Variants in DEF6 observed in about 807,000 individuals in gnomAD.
DEF6 encodes the protein differentially expressed in FDCP 6 homolog.
DEF6 carries 32 observed loss-of-function variants against 80.5 expected under a neutral mutation model. The observed-to-expected ratio is 0.40, with a 90% CI of 0.30 to 0.53. The LOEUF is 0.53. Ranked by LOEUF, DEF6 falls within the 20% of genes least tolerant of loss-of-function variation. The pLI, the probability that DEF6 is intolerant of heterozygous loss-of-function variation, is 0.57. For missense variants in DEF6, 575 were observed against 818.7 expected (o/e 0.70, Z 3.63); for synonymous variants, 300 against 337.9 (o/e 0.89, Z 1.23).
chr6:35,318,447 G>A lies in DEF6; in HGVS notation c.1191G>A (p.Glu397=). Residue 397 remains glutamate, a synonymous_variant, in exon 7 of 11, where the codon GAG becomes GAA. Transcript: ENST00000316637. This position sits in a 1 kb window ranked among gnomAD's most constrained non-coding sequence, Gnocchi z 5.1. ...ACCGCGAGCTGCAGCAGGCGCTCGA[G>A]GGCCAACTGCGCGAGGCGGAGCAGG... ...SQHRELQQAL[E]GQLREAEQAR... is the part of the protein sequence containing the mutation. The A allele has an allele frequency of 1.4e-6, 2 of 1,475,996 alleles. No individual in the cohort carries two copies. Among genetic ancestry groups the A allele is most frequent in the East Asian group, 2.6e-5 (1 of 37,844 alleles). 91.4% of individuals were successfully genotyped at this position (1,475,996 alleles called of 1,614,324 possible).
rs531742102 is a variant in DEF6, at chr6:35,307,255, C to T, written c.97-2415C>T. ...CTCTACTAAAAATACAAAAATTAGC[C>T]GAGCATAGTGGCACGCGTCAGCAAT... On this transcript the variant is annotated intron_variant, in intron 1 of 10. Transcript: ENST00000316637. Among the ~76,000 whole-genome samples the T allele has an allele frequency of 2.6e-5, 4 of 152,316 alleles. No individual in the cohort carries two copies. The South Asian group carries it at 6.2e-4, about 24-fold the overall frequency.
intron 1 of DEF6, among the ~76,000 whole-genome samples, chr6:35,306,721 C>T (rs540473758): frequency 1.3e-5 from 2 of 152,324 alleles, no homozygotes; most frequent in Admixed American, 6.5e-5. Context: ...ACATTTCATT[C>T]TGTAGCTTGC....
Position 35,321,613 on chromosome 6 carries a change from T to A in DEF6, c.*203T>A. On this transcript the variant is annotated 3_prime_UTR_variant, in exon 11 of 11. Transcript: ENST00000316637. ...CAAGCCCCAGACCATGGGAGCTGTC[T>A]GGGATGTTGATCCTTGAGAACTTGG... 1 of 488,278 alleles carries A rather than the reference T, an allele frequency of 2.0e-6. No homozygotes were observed. Among genetic ancestry groups the A allele is most frequent in the African/African-American group, 1.9e-5 (1 of 51,794 alleles). 30.2% of individuals were successfully genotyped at this position (488,278 alleles called of 1,614,324 possible).
Position 35,319,765 on chromosome 6 carries a change from C to A in DEF6, c.1383-54C>A. The A allele has an allele frequency of 6.2e-7, 1 of 1,610,668 alleles. No individual in the cohort carries two copies. Among genetic ancestry groups the A allele is most frequent in the Non-Finnish European group, 8.5e-7 (1 of 1,177,746 alleles). ...CACCCCAGTTTTCCTGCTTGCTGTG[C>A]ACCTGCAAGGTGCCTTGGCACTAGA... is the stretch of plus-strand genomic sequence containing the variant. On this transcript the variant is annotated intron_variant, in intron 8 of 10. Transcript: ENST00000316637. The surrounding 1 kb of genome is among the most constrained non-coding windows in gnomAD (Gnocchi z 4.5).
intron 5 of DEF6, chr6:35,313,479 C>A (rs904335079): frequency 3.1e-6 from 1 of 319,694 alleles, no homozygotes; most frequent in Non-Finnish European, 6.0e-6. Context: ...TCAAATTATT[C>A]TCTTCTATTT....
intron 5 of DEF6, among the ~76,000 whole-genome samples, chr6:35,313,539 T>C (rs1453762556): frequency 6.6e-6 from 1 of 152,218 alleles, no homozygotes; most frequent in Non-Finnish European, 1.5e-5. Flanking sequence ...ACTGATCTAT[T>C]GAATCCTAGG....
chr6:35,302,139 A>G (rs1791322849), intron 1 of DEF6, among the ~76,000 whole-genome samples: 1 of 152,078 alleles, frequency 6.6e-6, no homozygotes, highest in Non-Finnish European at 1.5e-5. Flanking sequence ...TGGCAAGAGA[A>G]TCACTTGAGT....
At chr6:35,310,741 C>T in intron 3 of DEF6, 97 bp downstream of exon 3, 1 of 1,280,224 alleles carries the variant, frequency 7.8e-7, no homozygotes, top group Non-Finnish European at 1.1e-6. Context: ...CTTCCCATAT[C>T]CCCTTTCTTT....
intron 5 of DEF6, chr6:35,316,041 G>A (rs1004509549): frequency 2.5e-5 from 3 of 118,340 alleles, no homozygotes; most frequent in East Asian, 2.5e-4. Context: ...TTTTTTTTTT[G>A]TATTTTTAGT....
intron 3 of DEF6, 140 bp downstream of exon 3, chr6:35,310,784 C>T (rs1791457016): frequency 2.2e-6 from 2 of 917,542 alleles, no homozygotes; most frequent in East Asian, 2.6e-5. Context: ...TATCTGTCCT[C>T]ACCCAGCTGT....
intron 1 of DEF6, among the ~76,000 whole-genome samples, chr6:35,309,075 C>T (rs192491721): frequency 2.6e-5 from 4 of 152,286 alleles, no homozygotes; most frequent in East Asian, 1.9e-4. Flanking sequence ...AGAGCAGACA[C>T]GCTTAGGTGA....
rs1248011174 is a variant in DEF6 at position 35,319,221 on chromosome 6, C to T, written c.1216-303C>T. Among the ~76,000 whole-genome samples the T allele has an allele frequency of 6.6e-6, 1 of 151,424 alleles. No individual in the cohort carries two copies. The highest frequency in any genetic ancestry group is 1.5e-5 in the Non-Finnish European group (1 of 67,910). ...TAAGTTAGTGCTAGGAAGGAGATGA[C>T]CATATTTTTATATCTTATTTAATTA... On this transcript the variant is annotated intron_variant, in intron 7 of 10. Coordinates refer to ENST00000316637, the MANE Select transcript of DEF6 (RefSeq NM_022047.4). The surrounding 1 kb of genome is among the most constrained non-coding windows in gnomAD (Gnocchi z 4.5).
intron 1 of DEF6, among the ~76,000 whole-genome samples, chr6:35,301,715 A>G (rs981924176): frequency 7.0e-6 from 1 of 142,106 alleles, no homozygotes; most frequent in Non-Finnish European, 1.5e-5. Flanking sequence ...TAACTCTTAA[A>G]AGGAGCTGTG....
At chr6:35,311,462 G>T (rs1172949909) in intron 3 of DEF6, among the ~76,000 whole-genome samples, 3 of 152,124 alleles carry the variant, frequency 2.0e-5, no homozygotes, top group Non-Finnish European at 4.4e-5. Context: ...CTGAACCAGT[G>T]CCCTCTACTA....
intron 1 of DEF6, among the ~76,000 whole-genome samples, chr6:35,300,195 T>C (rs527713878): frequency 2.0e-5 from 3 of 152,138 alleles, no homozygotes; most frequent in Non-Finnish European, 4.4e-5. Flanking sequence ...CTAATTTTTT[T>C]ATTTTTTATT....
intron 5 of DEF6, 70 bp from the exon 6 acceptor site, chr6:35,317,821 G>A (rs1191311477): frequency 7.2e-7 from 1 of 1,380,196 alleles, no homozygotes; most frequent in Non-Finnish European, 1.0e-6. Context: ...TTGAGCTGGA[G>A]CACCCTTGGG....
At chr6:35,299,888 C>T (rs553341826) in intron 1 of DEF6, among the ~76,000 whole-genome samples, 1 of 152,188 alleles carries the variant, frequency 6.6e-6, no homozygotes, top group South Asian at 2.1e-4. Flanking sequence ...GCGGGGATTC[C>T]AGCAAAGCAA....
chr6:35,317,687 A>G (rs1791538178), intron 5 of DEF6: 1 of 535,006 alleles, frequency 1.9e-6, no homozygotes, highest in Non-Finnish European at 3.3e-6. Flanking sequence ...GCACCCACCT[A>G]GCCTTCAAAG....
rs781133056 is a variant in DEF6 at position 35,321,265 on chromosome 6, G to A, written c.1751G>A (p.Arg584His). ...GCCCACCGTGACTCCTCCCTAAAGC[G>A]CCTGACCCGCTGGGGATCCCAGGGC... ...LLAHRDSSLK[R>H]LTRWGSQGNR... The change falls in exon 11 of 11, where the codon CGC becomes CAC. Residue 584 changes from arginine to histidine, a missense_variant. Physicochemically the swap from Arg to His is conservative, Grantham distance 29. Coordinates refer to ENST00000316637, the MANE Select transcript of DEF6 (RefSeq NM_022047.4). The A allele has an allele frequency of 1.1e-5, 17 of 1,613,472 alleles. No individual in the cohort carries two copies. Among genetic ancestry groups the A allele is most frequent in the African/African-American group, 4.0e-5 (3 of 74,772 alleles).
Sources: allele counts gnomAD v4.1 joint callset (sites outside exome capture counted in the v4.1 genomes callset), GRCh38; gene constraint gnomAD v4.1.1; non-coding constraint Gnocchi (gnomAD v3.1); transcripts MANE v1.5; gene names NCBI Gene and HGNC (gene_info 2026-07-23, HGNC 2026-07-21).